BATF: variants seen among roughly 807,000 people sequenced by gnomAD.
BATF encodes the protein basic leucine zipper ATF-like transcription factor, also known as basic leucine zipper transcriptional factor ATF-like.
In BATF, 5 loss-of-function variants were observed where a neutral mutation model predicts 13.7. The ratio of observed to expected loss-of-function variants is 0.36; its 90% CI spans 0.19 to 0.77. The LOEUF is 0.77. Among genes scored for constraint, BATF ranks in the 30% least tolerant of loss-of-function variants. The probability of loss-of-function intolerance (pLI) is 0.51; values close to 1 mark genes in which losing one functional copy is unlikely to be tolerated. For missense variants in BATF, 124 were observed against 163.0 expected (o/e 0.76, Z 1.30); for synonymous variants, 72 against 67.5 (o/e 1.07, Z -0.33).
At chr14:75,537,095 T>C (rs1174722027) in intron 2 of BATF, among the ~76,000 whole-genome samples, 1 of 152,208 alleles carries the variant, frequency 6.6e-6, no homozygotes, top group East Asian at 1.9e-4. Context: ...TTCAGGGGCT[T>C]GGCCTTTCAC....
At chr14:75,541,338 C>T (rs546563734) in intron 2 of BATF, among the ~76,000 whole-genome samples, 3 of 152,266 alleles carry the variant, frequency 2.0e-5, no homozygotes, top group South Asian at 4.2e-4. Flanking sequence ...ATAGGGAAAT[C>T]GAGTCACTGA....
intron 2 of BATF, among the ~76,000 whole-genome samples, chr14:75,540,916 T>C (rs1291914033): frequency 6.6e-6 from 1 of 152,024 alleles, no homozygotes; most frequent in African/African-American, 2.4e-5. Context: ...TGAAACCCCG[T>C]CTCTACTAGA....
chr14:75,535,861 C>G (rs1887808844), intron 2 of BATF, among the ~76,000 whole-genome samples: 1 of 152,154 alleles, frequency 6.6e-6, no homozygotes, highest in South Asian at 2.1e-4. Flanking sequence ...ATGTGATTTC[C>G]TGCAACTGAG....
At chr14:75,545,337 C>T (rs917301287) in intron 2 of BATF, among the ~76,000 whole-genome samples, 4 of 151,278 alleles carry the variant, frequency 2.6e-5, no homozygotes, top group African/African-American at 4.9e-5. Flanking sequence ...TTCTCTTCCC[C>T]GAGCCTCCCG....
At chr14:75,529,117 C>A (rs566511383) in intron 2 of BATF, among the ~76,000 whole-genome samples, 75 of 151,786 alleles carry the variant, frequency 4.9e-4, no homozygotes, top group African/African-American at 1.7e-3. Context: ...TTCTAAGTTT[C>A]CAGTGAAAAA....
chr14:75,527,574 G>A (rs889424634), intron 2 of BATF, among the ~76,000 whole-genome samples: 1 of 152,158 alleles, frequency 6.6e-6, no homozygotes, highest in African/African-American at 2.4e-5. Flanking sequence ...ATGTCTCTTT[G>A]CTGCGGCAAG....
chr14:75,531,660 A>G (rs1254522333), intron 2 of BATF, among the ~76,000 whole-genome samples: 2 of 152,242 alleles, frequency 1.3e-5, no homozygotes, highest in Non-Finnish European at 2.9e-5. Context: ...ATATGACAGA[A>G]AAGTCATGAG....
chr14:75,536,074 G>A (rs1887811700), intron 2 of BATF, among the ~76,000 whole-genome samples: 1 of 152,198 alleles, frequency 6.6e-6, no homozygotes, highest in Non-Finnish European at 1.5e-5. Flanking sequence ...GCAGGGACAG[G>A]ACAGACAGAG....
rs1177809315 is a variant in BATF at position 75,522,757 on chromosome 14, C to T, written c.63+12C>T. The T allele has an allele frequency of 6.2e-7, 1 of 1,614,028 alleles. No homozygotes were observed. The stretch of plus-strand genomic sequence containing the variant: ...CCCCTGGCAAACAGGTAGAGTCCTC[C>T]TTTTTCTCTCTCCTACCTTCTGATT... On this transcript the variant is annotated intron_variant, in intron 1 of 2. Coordinates refer to ENST00000286639, the MANE Select transcript of BATF (RefSeq NM_006399.5).
At chr14:75,530,051 G>A (rs1456556837) in intron 2 of BATF, among the ~76,000 whole-genome samples, 2 of 124,290 alleles carry the variant, frequency 1.6e-5, no homozygotes, top group Admixed American at 1.0e-4. Context: ...GAGACAGAGC[G>A]AGACTCCGTC....
intron 2 of BATF, among the ~76,000 whole-genome samples, chr14:75,541,498 C>G (rs374828405): frequency 6.6e-6 from 1 of 152,142 alleles, no homozygotes. Flanking sequence ...GGCCAGGTGA[C>G]CCCCTCTCCA....
chr14:75,529,791 C>T (rs926589367), intron 2 of BATF, among the ~76,000 whole-genome samples: 2 of 152,224 alleles, frequency 1.3e-5, no homozygotes, highest in Middle Eastern at 3.4e-3. Context: ...ATGGGCCGGG[C>T]GCGGCGGCTC....
chr14:75,524,608 G>A (rs937234323), intron 1 of BATF, among the ~76,000 whole-genome samples: 1 of 152,118 alleles, frequency 6.6e-6, no homozygotes, highest in African/African-American at 2.4e-5. Flanking sequence ...CAGCATTGGG[G>A]AATTAAACAA....
chr14:75,532,781 G>A (rs947660086), intron 2 of BATF, among the ~76,000 whole-genome samples: 2 of 152,216 alleles, frequency 1.3e-5, no homozygotes, highest in Non-Finnish European at 2.9e-5. Context: ...AAAGATGTCA[G>A]TGATACAGCA....
At chr14:75,530,763 C>G (rs1566766786) in intron 2 of BATF, among the ~76,000 whole-genome samples, 1 of 152,180 alleles carries the variant, frequency 6.6e-6, no homozygotes, top group Non-Finnish European at 1.5e-5. Flanking sequence ...CCCTGCCCAC[C>G]TTGGCCTCCC....
intron 2 of BATF, among the ~76,000 whole-genome samples, chr14:75,545,388 A>ATTTTTTTTT (rs35791450): frequency 2.2e-4 from 23 of 105,182 alleles, no homozygotes; most frequent in South Asian, 3.3e-4. Flanking sequence ...CGCCTGGTTA[A>ATTTTTTTTT]TTTTTTTTTT....
chr14:75,533,864 C>T (rs564379575), intron 2 of BATF, among the ~76,000 whole-genome samples: 5 of 152,270 alleles, frequency 3.3e-5, no homozygotes, highest in African/African-American at 7.2e-5. Context: ...AAACTGAGGA[C>T]GCCCAAGAAC....
chr14:75,522,670 G>A lies in BATF; in HGVS notation c.-13G>A. The stretch of plus-strand genomic sequence containing the variant: ...GCCTGGGGCTGAGTGTGAGAGCCCG[G>A]AAGATTTCAGCCATGCCTCACAGCT... On this transcript the variant is annotated 5_prime_UTR_variant, in exon 1 of 3. Transcript: ENST00000286639. 1 of 1,614,096 alleles carries A rather than the reference G, an allele frequency of 6.2e-7. No individual in the cohort carries two copies. Among genetic ancestry groups the A allele is most frequent in the African/African-American group, 1.3e-5 (1 of 75,002 alleles).
At chr14:75,527,790 A>G (rs571871573) in intron 2 of BATF, among the ~76,000 whole-genome samples, 7 of 152,314 alleles carry the variant, frequency 4.6e-5, no homozygotes, top group African/African-American at 1.7e-4. Flanking sequence ...CCACATCTGA[A>G]CACAGATTCC....
Sources: gnomAD v4.1 joint callset for allele counts (sites outside exome capture counted in the v4.1 genomes callset) on GRCh38, gnomAD v4.1.1 for gene constraint, MANE v1.5 for transcripts, NCBI Gene and HGNC (gene_info 2026-07-23, HGNC 2026-07-21) for gene names.